NTNG1: variants seen among roughly 807,000 people sequenced by gnomAD.
NTNG1 encodes the protein netrin-G1.
A neutral mutation model predicts 54.0 loss-of-function variants in NTNG1; 16 were observed. That is an observed-to-expected ratio of 0.30 (90% CI 0.20 to 0.45). NTNG1 has a LOEUF of 0.45. NTNG1 is among the 20% of genes least tolerant of loss of function. NTNG1 has a pLI of 1.00. For synonymous variants in NTNG1, 255 were observed against 263.1 expected (o/e 0.97, Z 0.30); for missense variants, 530 against 678.7 (o/e 0.78, Z 2.43).
chr1:107,289,290 T>C (rs913839508), intron 2 of NTNG1, among the ~76,000 whole-genome samples: 2 of 152,170 alleles, frequency 1.3e-5, no homozygotes, highest in Non-Finnish European at 1.5e-5. Context: ...CTCATCCCCA[T>C]GTATATGCAG....
chr1:107,143,290 A>G (rs1653871285), intron 1 of NTNG1: 1 of 152,184 alleles, frequency 6.6e-6, no homozygotes, highest in African/African-American at 2.4e-5. Flanking sequence ...CAATGGGTAT[A>G]TGTGTTAAAA....
intron 5 of NTNG1, chr1:107,408,246 C>A: frequency 5.4e-6 from 1 of 184,814 alleles, no homozygotes; most frequent in Non-Finnish European, 1.1e-5. Context: ...GATCAGTAGT[C>A]TCTCTGGAGA....
intron 7 of NTNG1, among the ~76,000 whole-genome samples, chr1:107,478,552 G>T (rs655033): frequency 1.3e-3 from 198 of 151,868 alleles, no homozygotes; most frequent in Admixed American, 3.3e-3. Flanking sequence ...TTTTTCTAAA[G>T]GGGAGTGATA....
intron 3 of NTNG1, among the ~76,000 whole-genome samples, chr1:107,387,192 A>G (rs1672059670): frequency 6.6e-6 from 1 of 152,238 alleles, no homozygotes; most frequent in East Asian, 1.9e-4. Flanking sequence ...ATATAGTTAA[A>G]TTGTTCAGTT....
chr1:107,146,550 G>T (rs11185064), intron 1 of NTNG1, among the ~76,000 whole-genome samples: 75,184 of 151,660 alleles, frequency 0.5, 19,816 homozygotes, highest in African/African-American at 0.69. Context: ...TTTCAAAATG[G>T]GCTTTACCCA....
chr1:107,141,214 G>A (rs1464521155), intron 1 of NTNG1, 74 bp downstream of exon 1: 1 of 151,834 alleles, frequency 6.6e-6, no homozygotes, highest in Non-Finnish European at 1.5e-5. Context: ...CCGGCGGCCG[G>A]GCGCGATCGG....
chr1:107,478,470 C>A (rs1292183788), intron 7 of NTNG1, among the ~76,000 whole-genome samples: 1 of 152,112 alleles, frequency 6.6e-6, no homozygotes. Flanking sequence ...TAATCACCAG[C>A]TTCTTGAAAA....
intron 2 of NTNG1, among the ~76,000 whole-genome samples, chr1:107,272,311 G>C (rs572861773): frequency 5.9e-5 from 9 of 152,018 alleles, no homozygotes; most frequent in Non-Finnish European, 1.0e-4. Context: ...TTCCTTCCCT[G>C]AGCTTTTTTT....
At chr1:107,383,576 T>C (rs1671774298) in intron 3 of NTNG1, among the ~76,000 whole-genome samples, 1 of 152,238 alleles carries the variant, frequency 6.6e-6, no homozygotes, top group African/African-American at 2.4e-5. Flanking sequence ...CACAAATCTT[T>C]ATAAGCTCTA....
chr1:107,292,795 G>A (rs888708699), intron 2 of NTNG1, among the ~76,000 whole-genome samples: 5 of 152,142 alleles, frequency 3.3e-5, no homozygotes, highest in African/African-American at 1.2e-4. Flanking sequence ...GAAATGGGAT[G>A]CAAGACCCTG....
chr1:107,279,054 A>G (rs898832076), intron 2 of NTNG1, among the ~76,000 whole-genome samples: 2 of 152,304 alleles, frequency 1.3e-5, no homozygotes, highest in Admixed American at 6.5e-5. Flanking sequence ...CTATGACTAC[A>G]TTGATGTTGG....
chr1:107,249,648 A>G (rs904610015), intron 2 of NTNG1, among the ~76,000 whole-genome samples: 6 of 152,204 alleles, frequency 3.9e-5, no homozygotes, highest in Non-Finnish European at 7.3e-5. Context: ...TCAGAGAACT[A>G]CATAAAATCT....
At chr1:107,409,648 A>G (rs139393838) in intron 5 of NTNG1, 1 of 152,258 alleles carries the variant, frequency 6.6e-6, no homozygotes, top group East Asian at 1.9e-4. Context: ...ACTCCTAATA[A>G]AAACCCTCTG....
At chr1:107,177,899 T>C (rs1196895808) in intron 2 of NTNG1, among the ~76,000 whole-genome samples, 1 of 152,190 alleles carries the variant, frequency 6.6e-6, no homozygotes. Context: ...ACCACATTGT[T>C]GTACTTTCTG....
At chr1:107,465,028 C>A (rs1381848182) in intron 7 of NTNG1, among the ~76,000 whole-genome samples, 2 of 152,122 alleles carry the variant, frequency 1.3e-5, no homozygotes, top group Non-Finnish European at 1.5e-5. Context: ...GCCCTTCTCA[C>A]CACAATACAA....
chr1:107,217,074 C>A (rs528030453), intron 2 of NTNG1, among the ~76,000 whole-genome samples: 100 of 152,260 alleles, frequency 6.6e-4, no homozygotes, highest in African/African-American at 2.3e-3. Flanking sequence ...TCTGTCTGGT[C>A]CCAGACTTTT....
intron 2 of NTNG1, among the ~76,000 whole-genome samples, chr1:107,243,154 T>A (rs1661956836): frequency 6.6e-6 from 1 of 152,224 alleles, no homozygotes; most frequent in Admixed American, 6.5e-5. Flanking sequence ...ATGTGGCATG[T>A]TTCTCCTTGT....
At chr1:107,161,734 T>C (rs991655373) in intron 2 of NTNG1, among the ~76,000 whole-genome samples, 6 of 151,826 alleles carry the variant, frequency 4.0e-5, no homozygotes, top group Non-Finnish European at 7.4e-5. Context: ...GGTAATGTTA[T>C]ATTGTTTTTG....
intron 2 of NTNG1, among the ~76,000 whole-genome samples, chr1:107,196,951 T>C (rs146065562): frequency 2.6e-5 from 4 of 152,050 alleles, no homozygotes; most frequent in Non-Finnish European, 4.4e-5. Context: ...GGTGTGTGTG[T>C]GTGCGCACGT....
Sources: allele counts gnomAD v4.1 joint callset (sites outside exome capture counted in the v4.1 genomes callset), GRCh38; gene constraint gnomAD v4.1.1; transcripts MANE v1.5; gene names NCBI Gene and HGNC (gene_info 2026-07-23, HGNC 2026-07-21).